DPP6: variants seen among roughly 807,000 people sequenced by gnomAD.
DPP6 encodes the protein dipeptidyl peptidase like 6.
Under a neutral mutation model 122.6 loss-of-function variants are expected in DPP6, and 69 were observed. That is an observed-to-expected ratio of 0.56 (90% confidence interval 0.46 to 0.69). The LOEUF is 0.69. DPP6 is among the 30% of genes least tolerant of loss of function. DPP6 has a pLI of 0.00. For missense variants in DPP6, 928 were observed against 1,116.9 expected (o/e 0.83, Z 2.41); for synonymous variants, 418 against 433.1 (o/e 0.97, Z 0.43).
At chr7:154,689,743 G>A (rs1277869367) in intron 7 of DPP6, among the ~76,000 whole-genome samples, 13 of 152,198 alleles carry the variant, frequency 8.5e-5, no homozygotes, top group African/African-American at 2.4e-5. Flanking sequence ...ACAAATCTAC[G>A]AAAGCAGGAA....
rs6959418 is a variant in DPP6, at chr7:154,566,640, T to A, written c.553-202T>A. On this transcript the variant is annotated intron_variant, in intron 4 of 25. Transcript: ENST00000377770. ...GTCTCAGTAAGTCCAATAAGTATGT[T>A]TTGTTGAAATTTGAAAAAAAATACA... is the stretch of plus-strand genomic sequence containing the variant. Among the ~76,000 whole-genome samples, 38,111 of 151,968 alleles carry A rather than the reference T, an allele frequency of 0.25. 5,088 individuals are homozygous for A. Among genetic ancestry groups the A allele is most frequent in the Admixed American group, 0.35 (5,276 of 15,278 alleles).
intron 6 of DPP6, among the ~76,000 whole-genome samples, chr7:154,668,070 TC>T (rs1838276561): frequency 6.7e-6 from 1 of 150,238 alleles, no homozygotes; most frequent in Non-Finnish European, 1.5e-5. Flanking sequence ...CCCTTCACCT[TC>T]CTTCCCTTCC....
At chr7:154,276,048 C>A (rs1338612741) in intron 1 of DPP6, among the ~76,000 whole-genome samples, 2 of 152,206 alleles carry the variant, frequency 1.3e-5, no homozygotes, top group African/African-American at 4.8e-5. Context: ...ATAGCCGTCA[C>A]TTTGGAAGAG....
chr7:154,791,334 G>C (rs1020096171), intron 10 of DPP6, among the ~76,000 whole-genome samples: 2 of 152,156 alleles, frequency 1.3e-5, no homozygotes, highest in Admixed American at 1.3e-4. Flanking sequence ...AGGTTTCATA[G>C]ACTCAGTTCT....
At chr7:154,066,748 A>G (rs1208315736) in intron 1 of DPP6, among the ~76,000 whole-genome samples, 25 of 151,988 alleles carry the variant, frequency 1.6e-4, no homozygotes, top group Admixed American at 1.6e-3. Context: ...ATCTATGACA[A>G]ACTTTTACTC....
intron 1 of DPP6, among the ~76,000 whole-genome samples, chr7:154,111,436 T>A (rs1054539335): frequency 6.6e-6 from 1 of 152,156 alleles, no homozygotes. Context: ...CTTCTAGAAG[T>A]GCATGGCAGA....
At chr7:153,913,207 C>T (rs780422383) in intron 1 of DPP6, among the ~76,000 whole-genome samples, 9 of 152,016 alleles carry the variant, frequency 5.9e-5, no homozygotes, top group Admixed American at 1.3e-4. Flanking sequence ...CCTAAGTAGC[C>T]GGGATTACAG....
chr7:154,818,045 T>A (rs1799531242), intron 16 of DPP6, among the ~76,000 whole-genome samples: 1 of 152,200 alleles, frequency 6.6e-6, no homozygotes, highest in South Asian at 2.1e-4. Flanking sequence ...ATTTGGAAGT[T>A]TGAGATTTAT....
chr7:154,738,239 G>A (rs1310090832), intron 8 of DPP6, among the ~76,000 whole-genome samples: 2 of 152,058 alleles, frequency 1.3e-5, no homozygotes, highest in Admixed American at 6.6e-5. Flanking sequence ...CATCTCCAGG[G>A]CCCCCCCAGC....
In DPP6 at chr7:154,103,624, C is replaced by G. The variant is rs143895170; in HGVS notation, c.243+50561C>G. ...TGAGGGTGCTGCCAGAGGAGACTGACGTTTGAGTCAGTGGACTGGGAGAGG... is the reference window on the plus strand; with the variant it reads ...TGAGGGTGCTGCCAGAGGAGACTGAGGTTTGAGTCAGTGGACTGGGAGAGG... On this transcript the variant is annotated intron_variant, in intron 1 of 25. Transcript: ENST00000377770. 6.4e-3 allele frequency among the ~76,000 whole-genome samples: 979 copies of G among 152,334 alleles called. 2 individuals are homozygous for G. Among genetic ancestry groups the G allele is most frequent in the African/African-American group, 0.023 (948 of 41,560 alleles).
chr7:154,702,003 C>T (rs1024449691), intron 7 of DPP6, among the ~76,000 whole-genome samples: 4 of 152,226 alleles, frequency 2.6e-5, no homozygotes, highest in African/African-American at 7.2e-5. Context: ...TTTTCCATCA[C>T]ATGTTCACTT....
At chr7:153,801,258 A>T in the DPP6 span, among the ~76,000 whole-genome samples, 1 of 143,276 alleles carries the variant, frequency 7.0e-6, no homozygotes, top group Non-Finnish European at 1.5e-5. Flanking sequence ...CACCAAAGAA[A>T]TGTATCTATC....
chr7:154,454,473 G>T (rs1389764589), intron 2 of DPP6, among the ~76,000 whole-genome samples: 3 of 152,198 alleles, frequency 2.0e-5, no homozygotes, highest in Non-Finnish European at 4.4e-5. Context: ...TTCCTGGAAG[G>T]CTTCGTGGAG....
chr7:153,876,734 T>C, the DPP6 span, among the ~76,000 whole-genome samples: 2 of 151,940 alleles, frequency 1.3e-5, no homozygotes, highest in African/African-American at 4.8e-5. Context: ...CATCAAAGAG[T>C]GTACTTACAT....
chr7:154,573,419 CCTT>C (rs1831256537), intron 5 of DPP6, among the ~76,000 whole-genome samples: 1 of 152,208 alleles, frequency 6.6e-6, no homozygotes, highest in Admixed American at 6.5e-5. Context: ...AGCACGTTCT[CCTT>C]CTGAGAAGGC....
upstream of DPP6, among the ~76,000 whole-genome samples, chr7:154,050,274 C>T (rs1384787738): frequency 6.6e-6 from 1 of 152,124 alleles, no homozygotes; most frequent in Non-Finnish European, 1.5e-5. Flanking sequence ...ATTACAGTTA[C>T]CTACAATGCC....
intron 3 of DPP6, among the ~76,000 whole-genome samples, chr7:154,535,331 C>G (rs953516566): frequency 4.0e-5 from 6 of 151,042 alleles, no homozygotes; most frequent in Non-Finnish European, 7.4e-5. Context: ...TCTCAGGACA[C>G]TAAAAATATG....
intron 1 of DPP6, among the ~76,000 whole-genome samples, chr7:154,014,719 A>T (rs112202293): frequency 0.11 from 17,264 of 151,962 alleles, 1,536 homozygotes; most frequent in African/African-American, 0.25. Context: ...CTCTGCTTGT[A>T]TTTTTTGTTT....
At chr7:153,935,425 C>A (rs1801388080) in intron 1 of DPP6, among the ~76,000 whole-genome samples, 1 of 152,072 alleles carries the variant, frequency 6.6e-6, no homozygotes, top group African/African-American at 2.4e-5. Context: ...CCACGTACAC[C>A]GGCCTAACCT....
Sources: allele counts gnomAD v4.1 joint callset (sites outside exome capture counted in the v4.1 genomes callset), GRCh38; gene constraint gnomAD v4.1.1; transcripts MANE v1.5; gene names NCBI Gene and HGNC (gene_info 2026-07-23, HGNC 2026-07-21).